The following CCNG1 variants were observed in gnomAD, a reference collection of about 807,000 sequenced individuals.
CCNG1 encodes cyclin-G1.
A neutral mutation model predicts 30.0 loss-of-function variants in CCNG1; 13 were observed. The observed-to-expected ratio is 0.43, with a 90% CI of 0.28 to 0.69. The LOEUF (loss-of-function observed/expected upper bound fraction) is 0.69. Ranked by LOEUF, CCNG1 falls within the 30% of genes least tolerant of loss-of-function variation. CCNG1 has a pLI of 0.16. For synonymous variants in CCNG1, 110 were observed against 121.5 expected (o/e 0.91, Z 0.62); for missense variants, 285 against 331.4 (o/e 0.86, Z 1.09).
At chr5:163,452,176 G>A in the CCNG1 span, 1 of 152,112 alleles carries the variant, frequency 6.6e-6, no homozygotes, top group Non-Finnish European at 1.5e-5. Flanking sequence ...ATTTATATGT[G>A]AATTCATGGT....
At chr5:163,439,686 A>T in intron 2 of CCNG1, 166 bp downstream of exon 2, 1 of 603,448 alleles carries the variant, frequency 1.7e-6, no homozygotes, top group Non-Finnish European at 2.9e-6. Context: ...AATCAAGAGT[A>T]GTACATCAGG....
chr5:163,439,074 G>A, intron 1 of CCNG1, 183 bp from the exon 2 acceptor site: 1 of 545,946 alleles, frequency 1.8e-6, no homozygotes, highest in Non-Finnish European at 3.2e-6. Flanking sequence ...ACTCAATTTA[G>A]GATGTGACCA....
chr5:163,442,687 G>GA, intron 6 of CCNG1, 119 bp downstream of exon 6: 1 of 758,450 alleles, frequency 1.3e-6, no homozygotes, highest in Non-Finnish European at 2.2e-6. Context: ...AGTAAAGGGG[G>GA]AGATGACATC....
intron 2 of CCNG1, among the ~76,000 whole-genome samples, 164 bp from the exon 3 acceptor site, chr5:163,440,914 T>C (rs1757781501): frequency 6.6e-6 from 1 of 152,114 alleles, no homozygotes; most frequent in Non-Finnish European, 1.5e-5. Context: ...GTTGACAGGC[T>C]ATAGTTTAGG....
At chr5:163,447,088 A>G (rs1023050384), downstream of CCNG1, 1 of 152,252 alleles carries the variant, frequency 6.6e-6, no homozygotes, top group African/African-American at 2.4e-5. Flanking sequence ...AATTAGGGAC[A>G]TTATATAATG....
At chr5:163,439,096 G>A (rs1757660928) in intron 1 of CCNG1, 161 bp from the exon 2 acceptor site, 1 of 614,588 alleles carries the variant, frequency 1.6e-6, no homozygotes, top group South Asian at 2.2e-5. Flanking sequence ...CTTGTAGAAG[G>A]GAAATAAATA....
In CCNG1 at chr5:163,444,408, A is replaced by G. The variant is rs1286572652; in HGVS notation, c.*738A>G. The G allele has an allele frequency of 6.6e-6, 1 of 152,608 alleles. No individual in the cohort carries two copies. The allele number at this position is 152,608 out of a possible 1,614,324, so 9.5% of individuals were successfully genotyped here. A position where few individuals can be genotyped will look rare whatever the true frequency, so the allele number is the denominator to read the frequency against. ...CTACTGCCTCAAACTGAATCCCATC[A>G]AGAAAACTAGTTTCTATTGTATTAG... On this transcript the variant is annotated 3_prime_UTR_variant, in exon 7 of 7. Transcript: ENST00000340828.
chr5:163,453,698 T>A, the CCNG1 span: 1 of 240,970 alleles, frequency 4.1e-6, no homozygotes, highest in East Asian at 7.9e-5. Context: ...AAAATATGGT[T>A]AAATATGGAA....
At chr5:163,445,529 T>C (rs971922650), downstream of CCNG1, among the ~76,000 whole-genome samples, 6 of 152,028 alleles carry the variant, frequency 3.9e-5, no homozygotes, top group South Asian at 2.1e-4. Flanking sequence ...TCTTGGCTCA[T>C]TGCAGCCTTG....
the CCNG1 span, among the ~76,000 whole-genome samples, chr5:163,455,809 C>G: frequency 6.6e-6 from 1 of 150,592 alleles, no homozygotes; most frequent in Non-Finnish European, 1.5e-5. Flanking sequence ...GTGAGAAGAC[C>G]AATTAGAACG....
At chr5:163,450,765 A>T (rs544170263), downstream of CCNG1, 1 of 152,382 alleles carries the variant, frequency 6.6e-6, no homozygotes, top group South Asian at 2.1e-4. Context: ...AGCTCCTCAA[A>T]TGATTAACAT....
chr5:163,444,309 TAA>T lies in CCNG1; in HGVS notation c.*640_*641del, dbSNP rs1239722671. On this transcript the variant is annotated 3_prime_UTR_variant, in exon 7 of 7. Coordinates refer to ENST00000340828, the MANE Select transcript of CCNG1 (RefSeq NM_004060.4). ...GACCTATAAAGTTTGGCATATTCAT[TAA>T]GTTATCTTTTAATATTTTTTTCTAG... 2 of 152,026 alleles carry T rather than the reference TAA, an allele frequency of 1.3e-5. No individual in the cohort carries two copies. The highest frequency in any genetic ancestry group is 4.9e-5 in the African/African-American group (2 of 41,010). The allele number at this position is 152,026 out of a possible 1,614,324, so 9.4% of individuals were successfully genotyped here.
rs577965431 is a variant in CCNG1, at chr5:163,442,381, G to A, written c.704G>A (p.Gly235Asp). The A allele has an allele frequency of 1.9e-6, 3 of 1,608,112 alleles. No homozygotes were observed. Among genetic ancestry groups the A allele is most frequent in the Non-Finnish European group, 2.5e-6 (3 of 1,177,606 alleles). ...ECLQKHSKIN[G>D]RDLTFWQELV... ...AAATTTATGTATGTACAGATAAATG[G>A]CAGAGATCTGACCTTCTGGCAAGAG... is the stretch of plus-strand genomic sequence containing the variant. Residue 235 changes from glycine to aspartate, a missense_variant, in exon 6 of 7, where the codon GGC becomes GAC. Gly to Asp is a moderately conservative substitution (Grantham distance 94). Transcript: ENST00000340828.
At chr5:163,452,341 G>C in the CCNG1 span, 6 of 152,154 alleles carry the variant, frequency 3.9e-5, no homozygotes, top group African/African-American at 1.4e-4. Flanking sequence ...TCTTGGGTTA[G>C]GTCGAGGACA....
the CCNG1 span, chr5:163,452,724 ACTTCTATCACAT>A: frequency 1.3e-5 from 2 of 152,226 alleles, no homozygotes. Context: ...GACAGGATGC[ACTTCTATCACAT>A]TCCTGCCAAA....
the CCNG1 span, chr5:163,452,923 G>C: frequency 2.6e-5 from 4 of 152,208 alleles, no homozygotes; most frequent in African/African-American, 7.2e-5. Flanking sequence ...GCATGATTCT[G>C]ACTGGATCCT....
chr5:163,443,610 A>C, intron 6 of CCNG1, 64 bp from the exon 7 acceptor site: 1 of 784,198 alleles, frequency 1.3e-6, no homozygotes, highest in Non-Finnish European at 2.1e-6. Context: ...CAATTTTCTT[A>C]GTAGTATTTA....
the CCNG1 span, among the ~76,000 whole-genome samples, chr5:163,456,422 G>T: frequency 3.3e-5 from 5 of 152,082 alleles, no homozygotes; most frequent in Non-Finnish European, 7.4e-5. Context: ...CAGTTAAAAA[G>T]AATGAGTTTT....
the CCNG1 span, chr5:163,453,096 C>A: frequency 6.6e-6 from 1 of 152,132 alleles, no homozygotes; most frequent in Non-Finnish European, 1.5e-5. Flanking sequence ...AATGAGGAAT[C>A]ATGTCTTCAA....
Sources: gnomAD v4.1 joint callset for allele counts (sites outside exome capture counted in the v4.1 genomes callset) on GRCh38, gnomAD v4.1.1 for gene constraint, MANE v1.5 for transcripts, NCBI Gene and HGNC (gene_info 2026-07-23, HGNC 2026-07-21) for gene names.